RGS12: variants seen among roughly 807,000 people sequenced by gnomAD.
The protein encoded by RGS12 is regulator of G-protein signaling 12.
A neutral mutation model predicts 120.1 loss-of-function variants in RGS12; 66 were observed. The ratio of observed to expected loss-of-function variants is 0.55; its 90% confidence interval spans 0.45 to 0.67. The LOEUF is 0.67. Among genes scored for constraint, RGS12 ranks in the 30% least tolerant of loss-of-function variants. The probability of loss-of-function intolerance (pLI) is 0.00; values close to 1 mark genes in which losing one functional copy is unlikely to be tolerated. For synonymous variants in RGS12, 827 were observed against 804.7 expected, an observed-to-expected ratio of 1.03 and a Z score of -0.47; for missense variants, 1,859 against 1,957.7, an observed-to-expected ratio of 0.95 and a Z score of 0.95.
chr4:3,307,475 TCTTA>T (rs1397844610), intron 1 of RGS12, among the ~76,000 whole-genome samples: 2 of 152,260 alleles, frequency 1.3e-5, no homozygotes, highest in African/African-American at 4.8e-5. Flanking sequence ...TCATCAACCC[TCTTA>T]CTTTTACTTT....
chr4:3,338,946 C>T (rs879262425), intron 2 of RGS12, among the ~76,000 whole-genome samples: 8 of 152,178 alleles, frequency 5.3e-5, no homozygotes, highest in Admixed American at 2.6e-4. Context: ...TTGAGAAACA[C>T]GAGTAAACGC....
chr4:3,292,857 T>A (rs1450162640), upstream of RGS12, among the ~76,000 whole-genome samples: 1 of 151,722 alleles, frequency 6.6e-6, no homozygotes, highest in Admixed American at 6.6e-5. Flanking sequence ...GTTACCACGC[T>A]GTCCCGACGC....
intron 3 of RGS12, among the ~76,000 whole-genome samples, chr4:3,373,398 G>A (rs991926581): frequency 1.8e-4 from 27 of 152,214 alleles, no homozygotes; most frequent in African/African-American, 6.3e-4. Context: ...AGAGGGTTTC[G>A]GGGGCGTGCC....
intron 2 of RGS12, among the ~76,000 whole-genome samples, chr4:3,318,495 A>C (rs1253340367): frequency 6.6e-6 from 1 of 152,206 alleles, no homozygotes; most frequent in Non-Finnish European, 1.5e-5. Flanking sequence ...AAGCACTGAA[A>C]GCTGGTTCCT....
Position 3,390,166 on chromosome 4 carries a change from A to G in RGS12, c.2020+3729A>G, listed in dbSNP as rs560524789. On this transcript the variant is annotated intron_variant, in intron 4 of 17. Coordinates refer to ENST00000336727, the MANE Select transcript of RGS12 (RefSeq NM_001394154.1). This position sits in a 1 kb window ranked among gnomAD's most constrained non-coding sequence, Gnocchi z 4.6. ...ATCCTGCGTCCCACCCTGGTCTCCAATGGTGCCTCAGGCACATGCGGTTTC... is the reference window on the plus strand; with the variant it reads ...ATCCTGCGTCCCACCCTGGTCTCCAGTGGTGCCTCAGGCACATGCGGTTTC... Among the ~76,000 whole-genome samples the G allele has an allele frequency of 1.0e-3, 157 of 152,278 alleles. No individual in the cohort carries two copies. The highest frequency in any genetic ancestry group is 2.2e-3 in the Admixed American group (34 of 15,304).
intron 4 of RGS12, among the ~76,000 whole-genome samples, chr4:3,400,868 A>G (rs956658390): frequency 1.6e-4 from 24 of 150,676 alleles, no homozygotes; most frequent in African/African-American, 5.8e-4. Flanking sequence ...AATAGTATAT[A>G]TATTAGAAAA....
chr4:3,408,012 G>A (rs1404378843), intron 4 of RGS12, among the ~76,000 whole-genome samples: 2 of 152,200 alleles, frequency 1.3e-5, no homozygotes, highest in African/African-American at 2.4e-5. Flanking sequence ...AAACTGGACC[G>A]TGTTCTCTAA....
At chr4:3,414,965 T>G (rs1577072670) in intron 6 of RGS12, 121 bp downstream of exon 6, 3 of 564,752 alleles carry the variant, frequency 5.3e-6, no homozygotes, top group African/African-American at 3.1e-5. Context: ...GTGAGGGGCG[T>G]GAGAGGGGCG....
At position 3,425,508 on chromosome 4, in the gene RGS12, T is replaced by G; in HGVS notation, c.3279T>G (p.Ser1093Arg). 1 of 1,611,408 alleles carries G rather than the reference T, an allele frequency of 6.2e-7. No homozygotes were observed. Among genetic ancestry groups the G allele is most frequent in the Non-Finnish European group, 8.5e-7 (1 of 1,179,564 alleles). The change falls in exon 14 of 18, where the codon AGT (serine) becomes AGG (arginine). Residue 1093 changes from serine (S) to arginine (R), a missense_variant. This residue lies in a region of RGS12 where 517 missense variants were observed against 488.5 expected (regional missense o/e 1.06). Transcript: ENST00000336727. ...EPLDLGAPISSLDGQRVVLEE... is the reference protein window; with the variant it reads ...EPLDLGAPISRLDGQRVVLEE... ...TGGACCTTGGCGCCCCTATATCGAG[T>G]CTGGACGGACAGCGGGTTGTCTTGG...
chr4:3,316,068 A>T lies in RGS12; in HGVS notation c.-101-2A>T. The stretch of plus-strand genomic sequence containing the variant: ...AATGAGCTGTTCGTTTTTCTTTCTT[A>T]GGGCACTGTTTGAAGAAGCAAACAT... On this transcript the variant is annotated splice_acceptor_variant, in intron 1 of 17. Transcript: ENST00000336727. LOFTEE classifies it low-confidence loss of function (5UTR_SPLICE). 1 of 1,204,306 alleles carries T rather than the reference A, an allele frequency of 8.3e-7. No individual in the cohort carries two copies. Among genetic ancestry groups the T allele is most frequent in the Non-Finnish European group, 1.2e-6 (1 of 865,300 alleles). 74.6% of individuals were successfully genotyped at this position (1,204,306 alleles called of 1,614,324 possible). A position where few individuals can be genotyped will look rare whatever the true frequency, so the allele number is the denominator to read the frequency against.
chr4:3,427,259 G>A (rs1367357078), intron 14 of RGS12, among the ~76,000 whole-genome samples: 2 of 152,218 alleles, frequency 1.3e-5, no homozygotes, highest in Non-Finnish European at 2.9e-5. Flanking sequence ...GCTGGGCCTC[G>A]GGGCTTGTTT....
At chr4:3,408,572 T>C (rs1721402444) in intron 4 of RGS12, among the ~76,000 whole-genome samples, 1 of 152,128 alleles carries the variant, frequency 6.6e-6, no homozygotes, top group South Asian at 2.1e-4. Context: ...TTGAAAAACG[T>C]GTGTGTTGCT....
At position 3,374,041 on chromosome 4, in the gene RGS12, G is replaced by A. The variant is rs3129332; in HGVS notation, c.1999-12375G>A. ...AGCCCTTTCCCCTGGGTCCTGAGGA[G>A]GAAGGCAGCGAGCCCGCTTGGCGAG... On this transcript the variant is annotated intron_variant, in intron 3 of 17. Transcript: ENST00000336727. The surrounding 1 kb of genome is among the most constrained non-coding windows in gnomAD (Gnocchi z 6.3). Among the ~76,000 whole-genome samples the A allele has an allele frequency of 0.28, 43,105 of 152,168 alleles. 6,155 individuals carry two copies. The highest frequency in any genetic ancestry group is 0.36 in the Middle Eastern group (106 of 294).
At chr4:3,387,985 C>T (rs752848756) in intron 4 of RGS12, among the ~76,000 whole-genome samples, 5 of 152,220 alleles carry the variant, frequency 3.3e-5, no homozygotes, top group African/African-American at 9.6e-5. Flanking sequence ...TCTAGCTCCT[C>T]GCCGTGCTGG....
intron 1 of RGS12, among the ~76,000 whole-genome samples, chr4:3,308,056 G>A (rs1724067622): frequency 6.6e-6 from 1 of 152,254 alleles, no homozygotes; most frequent in African/African-American, 2.4e-5. Context: ...GTGCCTTGGT[G>A]AGCTGCCCCA....
chr4:3,293,310 C>A (rs1462264590), intron 1 of RGS12, among the ~76,000 whole-genome samples: 1 of 142,298 alleles, frequency 7.0e-6, no homozygotes, highest in African/African-American at 2.5e-5. Flanking sequence ...CGGCGCGGGG[C>A]GGGGCGGGGC....
chr4:3,341,782 A>T (rs986131654), intron 2 of RGS12, among the ~76,000 whole-genome samples: 2 of 26,878 alleles, frequency 7.4e-5, no homozygotes, highest in African/African-American at 1.6e-4. Flanking sequence ...GTGTGGGGGG[A>T]GGGAGGGTGG....
intron 1 of RGS12, among the ~76,000 whole-genome samples, chr4:3,294,421 A>G (rs1198888358): frequency 6.6e-6 from 1 of 152,218 alleles, no homozygotes; most frequent in East Asian, 1.9e-4. Context: ...AATTCTGAGT[A>G]AGGGAGAACC....
intron 1 of RGS12, among the ~76,000 whole-genome samples, chr4:3,296,620 T>C (rs1337290833): frequency 6.6e-6 from 1 of 152,222 alleles, no homozygotes; most frequent in Non-Finnish European, 1.5e-5. Flanking sequence ...CTGGATATCT[T>C]TGGGGATCGC....
Sources: allele counts gnomAD v4.1 joint callset (sites outside exome capture counted in the v4.1 genomes callset), GRCh38; gene constraint gnomAD v4.1.1; regional missense constraint gnomAD v4.1.1; non-coding constraint Gnocchi (gnomAD v3.1); transcripts MANE v1.5; gene names NCBI Gene and HGNC (gene_info 2026-07-23, HGNC 2026-07-21).